Variants in SATB1 observed in about 807,000 individuals in gnomAD.
SATB1 encodes the protein DNA-binding protein SATB1.
SATB1 carries 11 observed loss-of-function variants against 86.9 expected under a neutral mutation model. The ratio of observed to expected loss-of-function variants is 0.13; its 90% CI spans 0.08 to 0.21. The LOEUF is 0.21. SATB1 is among the 10% of genes least tolerant of loss of function. The pLI is 1.00. For missense variants in SATB1, 551 were observed against 937.6 expected, an observed-to-expected ratio of 0.59 and a Z score of 5.39; for synonymous variants, 357 against 357.2, an observed-to-expected ratio of 1.00 and a Z score of 0.01.
At chr3:18,355,859 GGAA>G (rs1694605576) in intron 9 of SATB1, among the ~76,000 whole-genome samples, 1 of 151,828 alleles carries the variant, frequency 6.6e-6, no homozygotes, top group South Asian at 2.1e-4. Flanking sequence ...AATGGTACAA[GGAA>G]CAACCTAAAC....
chr3:18,441,016 T>C (rs570526877), upstream of SATB1, among the ~76,000 whole-genome samples: 1 of 152,334 alleles, frequency 6.6e-6, no homozygotes, highest in East Asian at 1.9e-4. Context: ...TTTAATATTT[T>C]GCAGCCTTGT....
Position 18,378,344 on chromosome 3 carries a change from A to G in SATB1, c.1420-19T>C. 2 of 1,608,768 alleles carry G rather than the reference A, an allele frequency of 1.2e-6. No homozygotes were observed. Among genetic ancestry groups the G allele is most frequent in the Non-Finnish European group, 1.7e-6 (2 of 1,178,160 alleles). ...TTTTCACCTACAAAACATTTTGAAC[A>G]TGGCTGTCATTTTTCATTGGCTGAA... On this transcript the variant is annotated intron_variant, in intron 8 of 10. Coordinates refer to ENST00000338745, the MANE Select transcript of SATB1 (RefSeq NM_002971.6).
At position 18,352,106 on chromosome 3, in the gene SATB1, G is replaced by T; in HGVS notation, c.1665C>A (p.Phe555Leu). 6.2e-7 allele frequency: 1 copy of T among 1,614,174 alleles called. No individual in the cohort carries two copies. The highest frequency in any genetic ancestry group is 8.5e-7 in the Non-Finnish European group (1 of 1,180,034). The change falls in exon 10 of 11, where the codon TTC becomes TTA. Residue 555 changes from phenylalanine to leucine, a missense_variant. By Grantham distance (22) the Phe-to-Leu change is conservative. Transcript: ENST00000338745. This position sits in a 1 kb window ranked among gnomAD's most constrained non-coding sequence, Gnocchi z 4.1. ...LWENLSMIRR[F>L]LSLPQPERDA... ...CACGTTCTGGCTGAGGAAGACTGAGGAACCTTCGGATCATGGAGAGGTTCT... is the reference window on the plus strand; with the variant it reads ...CACGTTCTGGCTGAGGAAGACTGAGTAACCTTCGGATCATGGAGAGGTTCT...
rs773159501 is a variant in SATB1 at position 18,422,752 on chromosome 3, T to C, written c.-25+875A>G. Among the ~76,000 whole-genome samples the C allele has an allele frequency of 2.6e-5, 4 of 152,064 alleles. No homozygotes were observed. The South Asian group carries it at 8.3e-4, about 31-fold the overall frequency. ...AAAACATATGATTTGAAAAGAAAAA[T>C]CTTTAGCCCTTGGGGCAATTTAAGA... On this transcript the variant is annotated intron_variant, in intron 1 of 10. Coordinates refer to ENST00000338745, the MANE Select transcript of SATB1 (RefSeq NM_002971.6).
rs1275654853 is a variant in SATB1, at chr3:18,444,390, A to C, written c.-25+1128T>G. Among the ~76,000 whole-genome samples the C allele has an allele frequency of 2.0e-5, 3 of 151,220 alleles. No individual in the cohort carries two copies. Among genetic ancestry groups the C allele is most frequent in the Non-Finnish European group, 4.4e-5 (3 of 67,802 alleles). ...TCCCCCATCCCGACCGCTCTCCCCTACTCTACCAGCCCACCCCTCCAAGGT... is the reference window on the plus strand; with the variant it reads ...TCCCCCATCCCGACCGCTCTCCCCTCCTCTACCAGCCCACCCCTCCAAGGT... On this transcript the variant is annotated intron_variant, in intron 1 of 3. Transcript: ENST00000415069. The surrounding 1 kb of genome is among the most constrained non-coding windows in gnomAD (Gnocchi z 5.1).
In SATB1 at chr3:18,346,532, G is replaced by A. The variant is rs1694063823; in HGVS notation, c.*2638C>T. Reference sequence around the variant, plus strand: ...TTTTCTAAAATGTGCCATCTTCCCTGAAAACAATTTTGCTCACTCCATCCT... The same window carrying A: ...TTTTCTAAAATGTGCCATCTTCCCTAAAAACAATTTTGCTCACTCCATCCT... On this transcript the variant is annotated 3_prime_UTR_variant, in exon 11 of 11. Coordinates refer to ENST00000338745, the MANE Select transcript of SATB1 (RefSeq NM_002971.6). 1 of 151,788 alleles carries A rather than the reference G, an allele frequency of 6.6e-6. No homozygotes were observed. The highest frequency in any genetic ancestry group is 1.5e-5 in the Non-Finnish European group (1 of 67,926). The allele number at this position is 151,788 out of a possible 1,614,324, so 9.4% of individuals were successfully genotyped here.
rs1363019295 is a variant in SATB1 at position 18,349,583 on chromosome 3, G to A, written c.1879C>T (p.Arg627Trp). The A allele has an allele frequency of 3.1e-6, 5 of 1,613,646 alleles. No individual in the cohort carries two copies. The highest frequency in any genetic ancestry group is 2.2e-5 in the East Asian group (1 of 44,894). The change falls in exon 11 of 11, where the codon CGG becomes TGG. Residue 627 changes from arginine (R) to tryptophan (W), a missense_variant. Arg to Trp is a moderately radical substitution (Grantham distance 101, BLOSUM62 -3). Around this residue, in one of 8 missense-constraint regions of SATB1, gnomAD observed 87 missense variants for 103.6 expected, o/e 0.84. Transcript: ENST00000338745. This position sits in a 1 kb window ranked among gnomAD's most constrained non-coding sequence, Gnocchi z 5.5. ...QPQTGPRLPPRQPTVASPAES... is the reference protein window; with the variant it reads ...QPQTGPRLPPWQPTVASPAES... Reference sequence around the variant, plus strand: ...GCTGGAGAGGCCACCGTGGGTTGCCGTGGGGGGAGCCGAGGGCCTGTCTGT... The same window carrying A: ...GCTGGAGAGGCCACCGTGGGTTGCCATGGGGGGAGCCGAGGGCCTGTCTGT...
intron 9 of SATB1, among the ~76,000 whole-genome samples, chr3:18,362,552 C>CA (rs372427066): frequency 0.015 from 2,148 of 146,722 alleles, 45 homozygotes; most frequent in African/African-American, 0.051. Flanking sequence ...TTTCTGTATT[C>CA]AAAAAAAAAA....
At chr3:18,400,692 A>G (rs961274940) in intron 5 of SATB1, among the ~76,000 whole-genome samples, 5 of 152,176 alleles carry the variant, frequency 3.3e-5, no homozygotes, top group African/African-American at 1.2e-4. Context: ...AGAGATATTA[A>G]TTACTATGAC....
At chr3:18,361,493 A>T (rs1694904423) in intron 9 of SATB1, among the ~76,000 whole-genome samples, 2 of 152,146 alleles carry the variant, frequency 1.3e-5, no homozygotes, top group South Asian at 4.1e-4. Flanking sequence ...TGAACCAAGC[A>T]TCTTCCCCTA....
chr3:18,417,780 T>C (rs930299457), intron 2 of SATB1: 2 of 627,708 alleles, frequency 3.2e-6, no homozygotes, highest in African/African-American at 1.9e-5. Flanking sequence ...ACGGTACCCA[T>C]AAGTCTTTAA....
At chr3:18,414,371 G>A (rs1177738130) in intron 5 of SATB1, among the ~76,000 whole-genome samples, 1 of 151,830 alleles carries the variant, frequency 6.6e-6, no homozygotes, top group Non-Finnish European at 1.5e-5. Flanking sequence ...CTGTCTATAA[G>A]CAGGTAGGCA....
At chr3:18,359,970 C>T (rs966931087) in intron 9 of SATB1, among the ~76,000 whole-genome samples, 3 of 152,004 alleles carry the variant, frequency 2.0e-5, no homozygotes, top group African/African-American at 7.2e-5. Flanking sequence ...TGTTAGACAA[C>T]AACATTCTTT....
Position 18,386,319 on chromosome 3 carries a change from C to T in SATB1, c.1419+80G>A, listed in dbSNP as rs1434000353. 1 of 1,083,482 alleles carries T rather than the reference C, an allele frequency of 9.2e-7. No individual in the cohort carries two copies. The highest frequency in any genetic ancestry group is 1.4e-6 in the Non-Finnish European group (1 of 727,294). 67.1% of individuals were successfully genotyped at this position (1,083,482 alleles called of 1,614,324 possible). A position where few individuals can be genotyped will look rare whatever the true frequency, so the allele number is the denominator to read the frequency against. On this transcript the variant is annotated intron_variant, in intron 8 of 10. Coordinates refer to ENST00000338745, the MANE Select transcript of SATB1 (RefSeq NM_002971.6). This position sits in a 1 kb window ranked among gnomAD's most constrained non-coding sequence, Gnocchi z 4.5. ...CATATAAATCTATGTATCTATCTAT[C>T]TAATTTCTTATTGAGATTCTTCCTC...
intron 7 of SATB1, among the ~76,000 whole-genome samples, chr3:18,391,390 T>A (rs63479960): frequency 6.6e-6 from 1 of 150,438 alleles, no homozygotes. Flanking sequence ...ATTTTTTTTT[T>A]ATTATACTTT....
chr3:18,415,054 C>G, intron 5 of SATB1, 57 bp downstream of exon 5: 4 of 1,595,510 alleles, frequency 2.5e-6, no homozygotes, highest in Non-Finnish European at 3.4e-6. Context: ...CTCCATCAAA[C>G]CTCAAATCAG....
At chr3:18,427,413 T>C (rs115798094), upstream of SATB1, among the ~76,000 whole-genome samples, 865 of 152,270 alleles carry the variant, frequency 5.7e-3, 10 homozygotes, top group African/African-American at 0.02. Flanking sequence ...AAATGTAATT[T>C]AGCCAGGCAA....
chr3:18,400,354 C>G (rs545418046), intron 5 of SATB1, among the ~76,000 whole-genome samples: 1 of 152,238 alleles, frequency 6.6e-6, no homozygotes, highest in South Asian at 2.1e-4. Flanking sequence ...TCTGACAAAA[C>G]AGAATAGAAA....
intron 1 of SATB1, chr3:18,445,306 CGCT>C (rs962967843): frequency 5.1e-6 from 5 of 984,656 alleles, no homozygotes; most frequent in African/African-American, 3.5e-5. Context: ...CCGCCGCCGC[CGCT>C]GCTGCGCACC....
Sources: allele counts gnomAD v4.1 joint callset (sites outside exome capture counted in the v4.1 genomes callset), GRCh38; gene constraint gnomAD v4.1.1; regional missense constraint gnomAD v4.1.1; non-coding constraint Gnocchi (gnomAD v3.1); transcripts MANE v1.5; gene names NCBI Gene and HGNC (gene_info 2026-07-23, HGNC 2026-07-21).